The following LSAMP variants were observed in gnomAD, a reference collection of about 807,000 sequenced individuals.
The protein encoded by LSAMP is limbic system associated membrane protein.
A neutral mutation model predicts 38.6 loss-of-function variants in LSAMP; 7 were observed. The ratio of observed to expected loss-of-function variants is 0.18; its 90% CI spans 0.10 to 0.34. The LOEUF (loss-of-function observed/expected upper bound fraction) is 0.34. Ranked by LOEUF, LSAMP falls within the 10% of genes least tolerant of loss-of-function variation. The pLI is 1.00. For synonymous variants in LSAMP, 154 were observed against 166.8 expected (o/e 0.92, Z 0.59); for missense variants, 313 against 420.0 (o/e 0.75, Z 2.23).
intron 1 of LSAMP, among the ~76,000 whole-genome samples, chr3:116,407,805 A>G (rs1559857461): frequency 6.6e-6 from 1 of 152,074 alleles, no homozygotes; most frequent in Non-Finnish European, 1.5e-5. Context: ...GTGGCCACTG[A>G]CGGTATTTAT....
At chr3:116,408,505 C>A (rs1478741420) in intron 1 of LSAMP, among the ~76,000 whole-genome samples, 2 of 152,028 alleles carry the variant, frequency 1.3e-5, no homozygotes, top group Non-Finnish European at 2.9e-5. Context: ...TCCTGCCTAG[C>A]AACTTAATCA....
intron 6 of LSAMP, chr3:115,837,909 G>A (rs1367291931): frequency 6.6e-6 from 1 of 152,302 alleles, no homozygotes; most frequent in East Asian, 1.9e-4. Flanking sequence ...AGCTACTCAG[G>A]AGGCTGAAGC....
intron 1 of LSAMP, among the ~76,000 whole-genome samples, chr3:116,271,387 C>A (rs1056860062): frequency 6.6e-6 from 1 of 151,892 alleles, no homozygotes; most frequent in Non-Finnish European, 1.5e-5. Context: ...TATGCTTTGT[C>A]CACAAAGTAG....
At chr3:116,243,215 A>T (rs550265176) in intron 1 of LSAMP, among the ~76,000 whole-genome samples, 6 of 152,148 alleles carry the variant, frequency 3.9e-5, no homozygotes, top group Non-Finnish European at 8.8e-5. Context: ...ATATCAACTG[A>T]GGCAAAAAGG....
intron 1 of LSAMP, among the ~76,000 whole-genome samples, chr3:116,128,147 C>T (rs1709048745): frequency 6.6e-6 from 1 of 152,134 alleles, no homozygotes. Flanking sequence ...AGGAAATGTC[C>T]TAGGGCCTGG....
At chr3:116,227,353 ATATT>A (rs1366937257) in intron 1 of LSAMP, among the ~76,000 whole-genome samples, 12 of 152,160 alleles carry the variant, frequency 7.9e-5, no homozygotes, top group Non-Finnish European at 1.5e-4. Flanking sequence ...ATTATAATAT[ATATT>A]TATATAGTAT....
intron 3 of LSAMP, among the ~76,000 whole-genome samples, chr3:115,921,905 C>A (rs926174212): frequency 6.6e-6 from 1 of 152,060 alleles, no homozygotes; most frequent in African/African-American, 2.4e-5. Flanking sequence ...AGGTTATTGT[C>A]AAGAAATCTG....
intron 1 of LSAMP, among the ~76,000 whole-genome samples, chr3:116,184,479 G>A (rs1322199539): frequency 6.6e-6 from 1 of 151,892 alleles, no homozygotes; most frequent in Admixed American, 6.6e-5. Flanking sequence ...ACTGAGTGAG[G>A]TATAGAAATG....
intron 1 of LSAMP, among the ~76,000 whole-genome samples, chr3:116,250,451 A>G (rs1287160802): frequency 6.6e-6 from 1 of 152,160 alleles, no homozygotes; most frequent in Non-Finnish European, 1.5e-5. Context: ...ATCCCTACAA[A>G]ATATTCAAGA....
At chr3:116,123,379 C>A (rs567819198) in intron 1 of LSAMP, among the ~76,000 whole-genome samples, 1 of 152,296 alleles carries the variant, frequency 6.6e-6, no homozygotes, top group South Asian at 2.1e-4. Flanking sequence ...CTGAACTTAA[C>A]TTGTGCTTCT....
chr3:116,088,923 G>T (rs1452874358), intron 1 of LSAMP, among the ~76,000 whole-genome samples: 1 of 152,114 alleles, frequency 6.6e-6, no homozygotes, highest in African/African-American at 2.4e-5. Context: ...AACTAACTGG[G>T]TCACACATGC....
At chr3:116,234,560 C>T (rs1301508869) in intron 1 of LSAMP, among the ~76,000 whole-genome samples, 2 of 151,910 alleles carry the variant, frequency 1.3e-5, no homozygotes, top group African/African-American at 2.4e-5. Context: ...TAAAATTCAA[C>T]AATAAAATTA....
intron 1 of LSAMP, among the ~76,000 whole-genome samples, chr3:116,098,618 C>G (rs534290127): frequency 6.6e-6 from 1 of 152,244 alleles, no homozygotes; most frequent in East Asian, 1.9e-4. Flanking sequence ...CACTTTCCCC[C>G]ACCTCACCTC....
chr3:115,857,740 C>T (rs113587577), intron 3 of LSAMP, among the ~76,000 whole-genome samples: 2 of 152,202 alleles, frequency 1.3e-5, no homozygotes, highest in Admixed American at 1.3e-4. Context: ...ACCTTTTAAA[C>T]TCTTGCACAT....
intron 2 of LSAMP, among the ~76,000 whole-genome samples, chr3:116,057,732 G>A (rs1920386): frequency 0.24 from 35,947 of 151,832 alleles, 4,357 homozygotes; most frequent in Admixed American, 0.28. Context: ...TTCTTATGAC[G>A]TCATTTGAAC....
At chr3:116,427,099 CTCTT>C (rs1331619510) in intron 1 of LSAMP, among the ~76,000 whole-genome samples, 5 of 142,216 alleles carry the variant, frequency 3.5e-5, no homozygotes, top group African/African-American at 1.0e-4. Context: ...TAAGACTCAG[CTCTT>C]TCTTTCTTTT....
intron 3 of LSAMP, among the ~76,000 whole-genome samples, chr3:115,884,215 C>G (rs754965606): frequency 6.6e-5 from 10 of 151,984 alleles, no homozygotes; most frequent in Admixed American, 1.3e-4. Flanking sequence ...TGGAACTAAT[C>G]TTCATAATAC....
Position 116,444,846 on chromosome 3 carries a change from G to A in LSAMP, c.155+31C>T, listed in dbSNP as rs200694722. The A allele has an allele frequency of 5.5e-4, 894 of 1,613,172 alleles. 1 individual carries two copies. Among genetic ancestry groups the A allele is most frequent in the African/African-American group, 5.1e-3 (379 of 74,728 alleles). On this transcript the variant is annotated intron_variant, in intron 1 of 6. Transcript: ENST00000490035. ...CACACACACACACACGTGTAGACGC[G>A]CGCAGCAGAAAAGTTGCCCGAAAGC... is the stretch of plus-strand genomic sequence containing the variant.
At chr3:115,864,674 C>A (rs538141325) in intron 3 of LSAMP, among the ~76,000 whole-genome samples, 2 of 152,152 alleles carry the variant, frequency 1.3e-5, no homozygotes, top group Admixed American at 6.6e-5. Context: ...TCGTGGGGAA[C>A]TTCTAAGTTC....
Sources: allele counts gnomAD v4.1 joint callset (sites outside exome capture counted in the v4.1 genomes callset), GRCh38; gene constraint gnomAD v4.1.1; transcripts MANE v1.5; gene names NCBI Gene and HGNC (gene_info 2026-07-23, HGNC 2026-07-21).